Variants in IL1RAPL1 observed in about 807,000 individuals in gnomAD.
The protein encoded by IL1RAPL1 is interleukin-1 receptor accessory protein-like 1.
A neutral mutation model predicts 48.4 loss-of-function variants in IL1RAPL1; 3 were observed. That is an observed-to-expected ratio of 0.06 (90% CI 0.03 to 0.16). The LOEUF is 0.16. IL1RAPL1 is among the 10% of genes least tolerant of loss of function. The pLI is 1.00. For synonymous variants in IL1RAPL1, 185 were observed against 187.7 expected (o/e 0.99, Z 0.12); for missense variants, 349 against 530.6 (o/e 0.66, Z 3.36).
At chrX:29,244,914 A>G (rs765700869) in intron 2 of IL1RAPL1, among the ~76,000 whole-genome samples, 1 of 109,855 alleles carries the variant, frequency 9.1e-6, no homozygotes, top group African/African-American at 3.3e-5. Context: ...TCTTAATGCT[A>G]TCTCTCCCCT....
At chrX:29,522,687 A>G (rs1489273401) in intron 5 of IL1RAPL1, among the ~76,000 whole-genome samples, 2 of 112,200 alleles carry the variant, frequency 1.8e-5, no homozygotes, top group African/African-American at 6.5e-5. Flanking sequence ...TCTGTTCACT[A>G]TCTATAATTC....
chrX:29,797,538 A>G (rs1199595978), intron 6 of IL1RAPL1, among the ~76,000 whole-genome samples: 2 of 112,042 alleles, frequency 1.8e-5, no homozygotes, highest in South Asian at 7.5e-4. Flanking sequence ...ATCACATTCA[A>G]TGACAAGGAT....
chrX:29,319,554 G>C (rs62588091), intron 3 of IL1RAPL1, among the ~76,000 whole-genome samples: 1,910 of 84,767 alleles, frequency 0.023, 31 homozygotes, highest in African/African-American at 0.031. Context: ...ATGTATGTAT[G>C]TATGTATCTA....
At chrX:29,108,257 G>A (rs991022926) in intron 2 of IL1RAPL1, among the ~76,000 whole-genome samples, 7 of 111,760 alleles carry the variant, frequency 6.3e-5, no homozygotes, top group African/African-American at 2.3e-4. Flanking sequence ...ACTGTGGCTT[G>A]TAGTTGTAGA....
chrX:29,287,733 C>T (rs1264598994), intron 3 of IL1RAPL1, among the ~76,000 whole-genome samples: 1 of 112,005 alleles, frequency 8.9e-6, no homozygotes, highest in Non-Finnish European at 1.9e-5. Context: ...TATTTTTGTA[C>T]ATTTTATAAT....
At chrX:29,336,042 C>G (rs1242076921) in intron 3 of IL1RAPL1, among the ~76,000 whole-genome samples, 2 of 105,840 alleles carry the variant, frequency 1.9e-5, no homozygotes, top group African/African-American at 6.9e-5. Flanking sequence ...ATAAGCCTGA[C>G]CATCATAGCC....
At chrX:29,826,181 GTTCAAA>G (rs1169896014) in intron 6 of IL1RAPL1, among the ~76,000 whole-genome samples, 1 of 111,390 alleles carries the variant, frequency 9.0e-6, no homozygotes, top group Non-Finnish European at 1.9e-5. Flanking sequence ...GACTGACACA[GTTCAAA>G]TCTCCAAACC....
At chrX:28,985,474 A>T (rs1925442638) in intron 2 of IL1RAPL1, among the ~76,000 whole-genome samples, 1 of 111,727 alleles carries the variant, frequency 9.0e-6, no homozygotes, top group South Asian at 3.7e-4. Flanking sequence ...CATAGATTTG[A>T]TGTTAGTGTA....
rs773833022 is a variant in IL1RAPL1 at position 29,454,982 on chromosome X, G to A, written c.703+55674G>A. On this transcript the variant is annotated intron_variant, in intron 5 of 10. Transcript: ENST00000378993. ...CTTATGTTCACTGAAAAGCCATACA[G>A]CATCCAACTATAGATGACATTGGCT... is the stretch of plus-strand genomic sequence containing the variant. 2.3e-4 allele frequency among the ~76,000 whole-genome samples: 26 copies of A among 111,120 alleles called. No homozygotes were observed. The South Asian group carries it at 9.8e-3, about 42-fold the overall frequency.
chrX:29,642,919 A>G (rs1318288358), intron 5 of IL1RAPL1, among the ~76,000 whole-genome samples: 1 of 112,280 alleles, frequency 8.9e-6, no homozygotes, highest in Non-Finnish European at 1.9e-5. Flanking sequence ...ACTCTAAACT[A>G]TATAAACTAT....
chrX:29,144,962 C>G (rs1929321504), intron 2 of IL1RAPL1, among the ~76,000 whole-genome samples: 1 of 110,258 alleles, frequency 9.1e-6, no homozygotes, highest in Admixed American at 9.7e-5. Context: ...CTCCTGACTT[C>G]AAGTGATCTG....
intron 6 of IL1RAPL1, among the ~76,000 whole-genome samples, chrX:29,732,005 A>T (rs866041252): frequency 4.5e-5 from 5 of 112,051 alleles, no homozygotes; most frequent in African/African-American, 9.7e-5. Flanking sequence ...CACAAAAAGA[A>T]GATATATATA....
At chrX:29,931,285 A>G (rs1270763550) in intron 8 of IL1RAPL1, among the ~76,000 whole-genome samples, 1 of 111,740 alleles carries the variant, frequency 8.9e-6, no homozygotes, top group Non-Finnish European at 1.9e-5. Context: ...AAGTGTTCAT[A>G]AACATTCAAC....
intron 2 of IL1RAPL1, among the ~76,000 whole-genome samples, chrX:28,907,224 G>C (rs916767361): frequency 6.3e-5 from 7 of 111,348 alleles, no homozygotes; most frequent in Non-Finnish European, 1.3e-4. Flanking sequence ...TGTTGTAGCG[G>C]ATTGCATTAA....
intron 2 of IL1RAPL1, among the ~76,000 whole-genome samples, chrX:29,163,826 A>G (rs907348402): frequency 5.4e-5 from 6 of 112,087 alleles, no homozygotes; most frequent in Non-Finnish European, 1.1e-4. Flanking sequence ...TGATATTTTC[A>G]GCTAACCACC....
intron 3 of IL1RAPL1, among the ~76,000 whole-genome samples, chrX:29,341,833 G>C (rs1933080085): frequency 1.8e-5 from 2 of 111,079 alleles, no homozygotes; most frequent in Admixed American, 1.9e-4. Flanking sequence ...TTGAGACAGA[G>C]TCTCACTCTC....
At chrX:29,411,232 C>T (rs1227418576) in intron 5 of IL1RAPL1, among the ~76,000 whole-genome samples, 1 of 111,812 alleles carries the variant, frequency 8.9e-6, no homozygotes, top group Non-Finnish European at 1.9e-5. Flanking sequence ...TATTATATCT[C>T]TAAAAATGTC....
chrX:28,993,032 A>G (rs1243120230), intron 2 of IL1RAPL1, among the ~76,000 whole-genome samples: 1 of 112,044 alleles, frequency 8.9e-6, no homozygotes, highest in African/African-American at 3.2e-5. Flanking sequence ...TCATCCAAGT[A>G]TTTATCAGTA....
rs759020384 is a variant in IL1RAPL1, at chrX:29,348,259, C to T, written c.363-47999C>T. 1.3e-4 allele frequency among the ~76,000 whole-genome samples: 15 copies of T among 111,714 alleles called. No individual in the cohort carries two copies. In the South Asian group the frequency reaches 5.6e-3, roughly 42 times the overall value. On this transcript the variant is annotated intron_variant, in intron 3 of 10. Coordinates refer to ENST00000378993, the MANE Select transcript of IL1RAPL1 (RefSeq NM_014271.4). ...GGTAGTATTTGAAATGAGCTTTGAC[C>T]ATAAAGGTGAAAATGAGATGGGACA...
Sources: gnomAD v4.1 joint callset for allele counts (sites outside exome capture counted in the v4.1 genomes callset) on GRCh38, gnomAD v4.1.1 for gene constraint, MANE v1.5 for transcripts, NCBI Gene and HGNC (gene_info 2026-07-23, HGNC 2026-07-21) for gene names.